CEP95: variants seen among roughly 807,000 people sequenced by gnomAD.
CEP95 encodes the protein centrosomal protein of 95 kDa.
A neutral mutation model predicts 111.2 loss-of-function variants in CEP95; 98 were observed. That is an observed-to-expected ratio of 0.88 (90% CI 0.75 to 1.04). The LOEUF is 1.04. CEP95 is among the 50% of genes least tolerant of loss of function. CEP95 has a pLI of 0.00. For missense variants in CEP95, 1,027 were observed against 977.2 expected (o/e 1.05, Z -0.68); for synonymous variants, 323 against 327.1 (o/e 0.99, Z 0.14).
Position 64,537,604 on chromosome 17 carries a change from C to G in CEP95, c.2291C>G (p.Thr764Arg). 4 of 1,585,058 alleles carry G rather than the reference C, an allele frequency of 2.5e-6. No homozygotes were observed. The highest frequency in any genetic ancestry group is 3.4e-6 in the Non-Finnish European group (4 of 1,161,692). ...LKAREKSQAQ[T>R]LHKVKRELRS... ...GGATGACATGCCTTCTTTTTTCAGA[C>G]ATTACATAAGGTGAAGAGGGAGCTG... The change falls in exon 20 of 20, where the codon ACA (threonine) becomes AGA (arginine). Residue 764 changes from threonine (T) to arginine (R), a missense_variant and splice_region_variant. By Grantham distance (71) the Thr-to-Arg change is moderately conservative. Coordinates refer to ENST00000556440, the MANE Select transcript of CEP95 (RefSeq NM_138363.3).
Position 64,518,900 on chromosome 17 carries a change from G to A in CEP95, c.474-421G>A, listed in dbSNP as rs562065956. On this transcript the variant is annotated intron_variant, in intron 5 of 19. Coordinates refer to ENST00000556440, the MANE Select transcript of CEP95 (RefSeq NM_138363.3). Reference sequence around the variant, plus strand: ...TTTCACTATGTTGGCCAGGCTGGTCGCAAACCCTGACCTCAGGCAATCCAC... The same window carrying A: ...TTTCACTATGTTGGCCAGGCTGGTCACAAACCCTGACCTCAGGCAATCCAC... 1.2e-4 allele frequency among the ~76,000 whole-genome samples: 19 copies of A among 152,096 alleles called. No individual in the cohort carries two copies. The South Asian group carries it at 3.7e-3, about 30-fold the overall frequency.
chr17:64,532,278 A>T (rs1465974242), intron 14 of CEP95: 4 of 1,198,952 alleles, frequency 3.3e-6, no homozygotes, highest in Middle Eastern at 3.4e-4. Flanking sequence ...CGTTAGCCTC[A>T]CTCGTGTGCT....
At chr17:64,507,140 G>T in intron 1 of CEP95, 24 bp downstream of exon 1, 1 of 1,551,468 alleles carries the variant, frequency 6.4e-7, no homozygotes, top group Non-Finnish European at 8.7e-7. Flanking sequence ...TGGGGTCCCA[G>T]TATGTGTGGA....
At chr17:64,537,238 C>A in intron 19 of CEP95, 126 bp downstream of exon 19, 1 of 1,465,352 alleles carries the variant, frequency 6.8e-7, no homozygotes, top group Non-Finnish European at 9.1e-7. Flanking sequence ...GTGGACTGTA[C>A]TCTCTAGGTT....
intron 5 of CEP95, 52 bp from the exon 6 acceptor site, chr17:64,519,269 G>A: frequency 8.1e-7 from 1 of 1,240,048 alleles, no homozygotes; most frequent in Non-Finnish European, 1.2e-6. Flanking sequence ...GTCCTCAGGG[G>A]AAGGGCCCTC....
intron 6 of CEP95, among the ~76,000 whole-genome samples, 155 bp downstream of exon 6, chr17:64,519,591 C>T (rs1364890663): frequency 6.6e-6 from 1 of 152,188 alleles, no homozygotes; most frequent in Non-Finnish European, 1.5e-5. Flanking sequence ...TAAATATGAA[C>T]ACTTATCTGA....
chr17:64,531,802 T>A, intron 13 of CEP95, 88 bp from the exon 14 acceptor site: 1 of 954,788 alleles, frequency 1.0e-6, no homozygotes. Flanking sequence ...TACCGTTAGC[T>A]GTTTTTGTCA....
intron 7 of CEP95, among the ~76,000 whole-genome samples, 156 bp downstream of exon 7, chr17:64,521,683 G>C (rs1967350297): frequency 6.6e-6 from 1 of 151,698 alleles, no homozygotes; most frequent in Admixed American, 6.6e-5. Context: ...TATGGTATCT[G>C]AATTCTGCTT....
Position 64,537,686 on chromosome 17 carries a change from T to G in CEP95, c.2373T>G (p.Asp791Glu). 5 of 1,613,616 alleles carry G rather than the reference T, an allele frequency of 3.1e-6. No individual in the cohort carries two copies. The highest frequency in any genetic ancestry group is 4.2e-6 in the Non-Finnish European group (5 of 1,179,714). The change falls in exon 20 of 20, where the codon GAT becomes GAG. Residue 791 changes from aspartate to glutamate, a missense_variant. Asp to Glu is a conservative substitution (Grantham distance 45, BLOSUM62 2). Transcript: ENST00000556440. ...TGCAGGACATGATAACACAGAATGA[T>G]GATGATGTTTTCTTCCGGGAACTGG... ...QQLQDMITQN[D>E]DDVFFRELEA...
At chr17:64,536,834 A>G (rs1555681666) in intron 18 of CEP95, 86 bp downstream of exon 18, 100 of 1,456,622 alleles carry the variant, frequency 6.9e-5, no homozygotes, top group Non-Finnish European at 8.8e-5. Context: ...TGTTGACAAT[A>G]AACCTTGTGT....
chr17:64,536,618 T>G lies in CEP95; in HGVS notation c.2087T>G (p.Phe696Cys). ...AACTGACAGATATTTAAGAAACTGT[T>G]TGAAGAAGGTTTAAACATTCAAAAG... ...TREEMIFKKLFEEGLNIQKQR... is the reference protein window; with the variant it reads ...TREEMIFKKLCEEGLNIQKQR... The change falls in exon 18 of 20, where the codon TTT becomes TGT. Residue 696 changes from phenylalanine (F) to cysteine (C), a missense_variant. Coordinates refer to ENST00000556440, the MANE Select transcript of CEP95 (RefSeq NM_138363.3). The G allele has an allele frequency of 6.3e-7, 1 of 1,591,392 alleles. No individual in the cohort carries two copies. The highest frequency in any genetic ancestry group is 8.5e-7 in the Non-Finnish European group (1 of 1,172,834).
At chr17:64,527,043 T>A in intron 10 of CEP95, 68 bp from the exon 11 acceptor site, 2 of 1,322,336 alleles carry the variant, frequency 1.5e-6, no homozygotes, top group Non-Finnish European at 2.1e-6. Flanking sequence ...TTTAAAGGTC[T>A]GCCTACTCCT....
chr17:64,527,470 A>C (rs1244863573), intron 11 of CEP95, among the ~76,000 whole-genome samples: 1 of 152,176 alleles, frequency 6.6e-6, no homozygotes, highest in East Asian at 1.9e-4. Flanking sequence ...TGTGTTTAAG[A>C]AATAAAACAG....
chr17:64,520,222 A>G (rs1967208253), intron 6 of CEP95, among the ~76,000 whole-genome samples: 1 of 152,166 alleles, frequency 6.6e-6, no homozygotes, highest in Non-Finnish European at 1.5e-5. Flanking sequence ...AAAAGATGTT[A>G]CTGTAAAATG....
At chr17:64,536,830 C>A in intron 18 of CEP95, 82 bp downstream of exon 18, 1 of 1,463,438 alleles carries the variant, frequency 6.8e-7, no homozygotes, top group Non-Finnish European at 9.3e-7. Flanking sequence ...AGTCTGTTGA[C>A]AATAAACCTT....
chr17:64,522,001 C>T (rs949779175), intron 7 of CEP95, among the ~76,000 whole-genome samples: 11 of 152,006 alleles, frequency 7.2e-5, no homozygotes, highest in Non-Finnish European at 1.5e-4. Context: ...GGATTATAGG[C>T]GCTTGCTACC....
At chr17:64,536,504 TAAAA>T (rs372597389) in intron 17 of CEP95, 94 bp from the exon 18 acceptor site, 4 of 666,486 alleles carry the variant, frequency 6.0e-6, no homozygotes, top group African/African-American at 1.9e-5. Flanking sequence ...AACTAGTATT[TAAAA>T]AAAAAAAACC....
At chr17:64,509,024 A>G (rs1022616010) in intron 2 of CEP95, among the ~76,000 whole-genome samples, 2 of 152,158 alleles carry the variant, frequency 1.3e-5, no homozygotes, top group Non-Finnish European at 2.9e-5. Context: ...ATCACGGCTT[A>G]ACCTAATCAT....
chr17:64,527,891 TAC>T (rs374252937), intron 11 of CEP95, among the ~76,000 whole-genome samples: 8,210 of 141,394 alleles, frequency 0.058, 313 homozygotes, highest in Admixed American at 0.12. Flanking sequence ...TATATATATA[TAC>T]ACACACACAC....
Sources: gnomAD v4.1 joint callset for allele counts (sites outside exome capture counted in the v4.1 genomes callset) on GRCh38, gnomAD v4.1.1 for gene constraint, MANE v1.5 for transcripts, NCBI Gene and HGNC (gene_info 2026-07-23, HGNC 2026-07-21) for gene names.